DHX15: variants seen among roughly 807,000 people sequenced by gnomAD.
The protein encoded by DHX15 is DEAH-box helicase 15.
DHX15 carries 11 observed loss-of-function variants against 94.4 expected under a neutral mutation model. That is an observed-to-expected ratio of 0.12 (90% CI 0.07 to 0.19). The LOEUF (loss-of-function observed/expected upper bound fraction) is 0.19, where lower values mean the gene tolerates loss of function less well. Among genes scored for constraint, DHX15 ranks in the 10% least tolerant of loss-of-function variants. The probability of loss-of-function intolerance (pLI) is 1.00; values close to 1 mark genes in which losing one functional copy is unlikely to be tolerated. For synonymous variants in DHX15, 338 were observed against 329.9 expected (o/e 1.02, Z -0.27); for missense variants, 304 against 988.5 (o/e 0.31, Z 9.29).
intron 6 of DHX15, 93 bp from the exon 7 acceptor site, chr4:24,543,119 G>C: frequency 1.3e-6 from 1 of 767,722 alleles, no homozygotes; most frequent in Non-Finnish European, 2.1e-6. Flanking sequence ...CTGACACAAG[G>C]AATTTCAAGC....
chr4:24,581,541 T>C (rs536228817), intron 1 of DHX15, among the ~76,000 whole-genome samples: 37 of 152,376 alleles, frequency 2.4e-4, no homozygotes, highest in African/African-American at 8.9e-4. Context: ...ATGCCTTCTT[T>C]AAACCTTTGA....
At chr4:24,533,175 A>G (rs928803795) in intron 11 of DHX15, 121 bp from the exon 12 acceptor site, 20 of 878,826 alleles carry the variant, frequency 2.3e-5, no homozygotes, top group Non-Finnish European at 3.6e-5. Flanking sequence ...AGATTTACCC[A>G]CAACATTTTC....
intron 9 of DHX15, among the ~76,000 whole-genome samples, chr4:24,540,623 A>G (rs1268909432): frequency 6.9e-6 from 1 of 144,528 alleles, no homozygotes. Flanking sequence ...ATTTACCCAA[A>G]CCCCCCCATA....
intron 3 of DHX15, among the ~76,000 whole-genome samples, chr4:24,569,158 A>G (rs1490424808): frequency 2.6e-5 from 4 of 152,236 alleles, no homozygotes; most frequent in Non-Finnish European, 5.9e-5. Context: ...ACACACTGAA[A>G]TATTTATATA....
intron 8 of DHX15, among the ~76,000 whole-genome samples, chr4:24,541,238 G>A (rs1027187081): frequency 4.6e-5 from 7 of 152,132 alleles, no homozygotes; most frequent in Non-Finnish European, 8.8e-5. Context: ...CAGTTAAGCA[G>A]TGTCAACAGA....
At chr4:24,555,059 T>C in intron 4 of DHX15, 116 bp from the exon 5 acceptor site, 1 of 635,640 alleles carries the variant, frequency 1.6e-6, no homozygotes, top group East Asian at 2.9e-5. Context: ...CATGAAAACC[T>C]TCAAATAAAC....
intron 12 of DHX15, among the ~76,000 whole-genome samples, chr4:24,531,246 G>A (rs543246568): frequency 1.1e-4 from 16 of 151,940 alleles, no homozygotes; most frequent in Admixed American, 2.0e-4. Context: ...CCGCCACCGC[G>A]CCCGGCTAAT....
chr4:24,551,587 C>T (rs1003678752), intron 5 of DHX15, among the ~76,000 whole-genome samples: 28 of 151,998 alleles, frequency 1.8e-4, no homozygotes, highest in Non-Finnish European at 3.1e-4. Context: ...AAAGTAGATG[C>T]TATTCATCTA....
chr4:24,538,024 T>C (rs1721230794), intron 10 of DHX15: 2 of 152,332 alleles, frequency 1.3e-5, no homozygotes, highest in Middle Eastern at 3.4e-3. Flanking sequence ...CAGTTATTTG[T>C]TTAGAGCCTC....
At chr4:24,528,896 T>TA (rs1429657325) in intron 13 of DHX15, among the ~76,000 whole-genome samples, 10 of 148,002 alleles carry the variant, frequency 6.8e-5, no homozygotes, top group African/African-American at 1.5e-4. Flanking sequence ...AAAAAAATGT[T>TA]AAAAAACAAA....
intron 5 of DHX15, among the ~76,000 whole-genome samples, chr4:24,553,151 C>A (rs1292976478): frequency 6.6e-6 from 1 of 151,958 alleles, no homozygotes; most frequent in African/African-American, 2.4e-5. Flanking sequence ...GGAGAAACCC[C>A]ATCTCTACCA....
intron 13 of DHX15, among the ~76,000 whole-genome samples, chr4:24,529,196 T>TGG (rs1721028178): frequency 1.3e-5 from 2 of 151,792 alleles, no homozygotes; most frequent in Non-Finnish European, 2.9e-5. Context: ...CAGCTAATTT[T>TGG]TGTACACACC....
Position 24,527,827 on chromosome 4 carries a change from C to A in DHX15, c.*97G>T. The A allele has an allele frequency of 1.3e-6, 1 of 741,784 alleles. No homozygotes were observed. Among genetic ancestry groups the A allele is most frequent in the Non-Finnish European group, 2.3e-6 (1 of 433,850 alleles). 46.0% of individuals were successfully genotyped at this position (741,784 alleles called of 1,614,324 possible). ...AAATTAAAAAGCTTTCAAATAAAGG[C>A]CATTATCGAACCAACGTGAAGAGCA... On this transcript the variant is annotated 3_prime_UTR_variant, in exon 14 of 14. Coordinates refer to ENST00000336812, the MANE Select transcript of DHX15 (RefSeq NM_001358.3).
At chr4:24,553,582 T>C (rs1721658372) in intron 5 of DHX15, among the ~76,000 whole-genome samples, 1 of 151,510 alleles carries the variant, frequency 6.6e-6, no homozygotes, top group Non-Finnish European at 1.5e-5. Context: ...GAGACTAGCC[T>C]GGCCAACATA....
chr4:24,549,127 C>T (rs1721529943), intron 5 of DHX15, 105 bp from the exon 6 acceptor site: 1 of 876,616 alleles, frequency 1.1e-6, no homozygotes, highest in Non-Finnish European at 1.6e-6. Flanking sequence ...TCTTCTTTCA[C>T]TTCATGGATA....
At chr4:24,562,504 G>A (rs1721900574) in intron 3 of DHX15, among the ~76,000 whole-genome samples, 1 of 152,144 alleles carries the variant, frequency 6.6e-6, no homozygotes, top group African/African-American at 2.4e-5. Context: ...TGGTCCCCTT[G>A]TAAAAATGTG....
At chr4:24,556,552 C>T in intron 3 of DHX15, 142 bp from the exon 4 acceptor site, 1 of 638,572 alleles carries the variant, frequency 1.6e-6, no homozygotes. Flanking sequence ...GTTTCATGAT[C>T]AATTGCAAAA....
intron 11 of DHX15, 101 bp downstream of exon 11, chr4:24,536,950 A>G (rs4697063): frequency 0.34 from 454,425 of 1,329,534 alleles, 79,970 homozygotes; most frequent in Admixed American, 0.48. Flanking sequence ...GGTTTCTAAT[A>G]TAAGTTGTCA....
intron 3 of DHX15, among the ~76,000 whole-genome samples, chr4:24,569,367 C>T (rs1185197227): frequency 4.6e-5 from 7 of 151,872 alleles, no homozygotes; most frequent in Non-Finnish European, 1.0e-4. Flanking sequence ...CTGAGGCGGG[C>T]GGATCATGAG....
Sources: allele counts gnomAD v4.1 joint callset (sites outside exome capture counted in the v4.1 genomes callset), GRCh38; gene constraint gnomAD v4.1.1; transcripts MANE v1.5; gene names NCBI Gene and HGNC (gene_info 2026-07-23, HGNC 2026-07-21).